Variants in NFIA observed in about 807,000 individuals in gnomAD.
NFIA encodes nuclear factor I A.
NFIA carries 8 observed loss-of-function variants against 62.8 expected under a neutral mutation model. The observed-to-expected ratio is 0.13, with a 90% confidence interval of 0.07 to 0.23. The LOEUF is 0.23. Ranked by LOEUF, NFIA falls within the 10% of genes least tolerant of loss-of-function variation. The pLI is 1.00. For synonymous variants in NFIA, 235 were observed against 238.1 expected (o/e 0.99, Z 0.12); for missense variants, 410 against 642.1 (o/e 0.64, Z 3.91).
intron 2 of NFIA, among the ~76,000 whole-genome samples, chr1:61,194,490 A>G (rs921503878): frequency 6.6e-6 from 1 of 152,158 alleles, no homozygotes; most frequent in Non-Finnish European, 1.5e-5. Flanking sequence ...CCTTATTTAT[A>G]TCAACTTTAG....
chr1:61,094,881 A>G (rs1646384078), intron 2 of NFIA, among the ~76,000 whole-genome samples: 1 of 152,222 alleles, frequency 6.6e-6, no homozygotes, highest in Non-Finnish European at 1.5e-5. Context: ...AACATGGCTT[A>G]TGAAGTGAAG....
chr1:61,415,308 G>T (rs1666300019), intron 9 of NFIA, among the ~76,000 whole-genome samples: 1 of 152,008 alleles, frequency 6.6e-6, no homozygotes, highest in African/African-American at 2.4e-5. Flanking sequence ...TTGGAGTAAA[G>T]AAGGGCTTTC....
At chr1:61,237,195 G>A (rs888147933) in intron 2 of NFIA, among the ~76,000 whole-genome samples, 9 of 152,148 alleles carry the variant, frequency 5.9e-5, no homozygotes, top group South Asian at 2.1e-4. Flanking sequence ...TCTCTCATTT[G>A]CATTATTGAG....
At chr1:61,432,419 A>G (rs541014663) in intron 10 of NFIA, among the ~76,000 whole-genome samples, 3 of 151,876 alleles carry the variant, frequency 2.0e-5, no homozygotes, top group African/African-American at 7.2e-5. Context: ...TGCCCACCCA[A>G]GCTCACTTGA....
At chr1:61,347,932 A>G (rs962810816) in intron 4 of NFIA, among the ~76,000 whole-genome samples, 16 of 152,108 alleles carry the variant, frequency 1.1e-4, no homozygotes, top group Admixed American at 9.2e-4. Context: ...AAGTTATTTA[A>G]TCTCACTTCA....
intron 2 of NFIA, among the ~76,000 whole-genome samples, chr1:61,225,245 A>T (rs1654255533): frequency 6.6e-6 from 1 of 151,142 alleles, no homozygotes; most frequent in African/African-American, 2.4e-5. Flanking sequence ...ATGAGTTTTT[A>T]TGTCCATAGT....
Position 61,359,640 on chromosome 1 carries a change from G to T in NFIA, c.946+366G>T, listed in dbSNP as rs141799179. Among the ~76,000 whole-genome samples, 358 of 152,238 alleles carry T rather than the reference G, an allele frequency of 2.4e-3. 1 individual carries two copies. The highest frequency in any genetic ancestry group is 8.2e-3 in the African/African-American group (342 of 41,554). Reference sequence around the variant, plus strand: ...CTGTCGCCCGGGCTGGAGTACAGTGGCATGATCTTGGCTCACTGCAACCTC... The same window carrying T: ...CTGTCGCCCGGGCTGGAGTACAGTGTCATGATCTTGGCTCACTGCAACCTC... On this transcript the variant is annotated intron_variant, in intron 6 of 10. Transcript: ENST00000403491.
chr1:61,341,924 G>A (rs1661941652), intron 4 of NFIA, among the ~76,000 whole-genome samples: 1 of 152,132 alleles, frequency 6.6e-6, no homozygotes, highest in African/African-American at 2.4e-5. Context: ...ATATTACCCT[G>A]CAGTAGGGCC....
At chr1:61,128,000 C>G (rs1208866048) in intron 2 of NFIA, among the ~76,000 whole-genome samples, 13 of 152,162 alleles carry the variant, frequency 8.5e-5, no homozygotes, top group Non-Finnish European at 1.5e-5. Context: ...AAGTCTTTGA[C>G]TCCCTAGCAC....
At chr1:61,190,909 G>A in intron 2 of NFIA, among the ~76,000 whole-genome samples, 1 of 152,008 alleles carries the variant, frequency 6.6e-6, no homozygotes, top group East Asian at 1.9e-4. Context: ...TTTAAATTGA[G>A]GTTTGTAGTT....
chr1:61,206,829 G>A (rs1034819363), intron 2 of NFIA, among the ~76,000 whole-genome samples: 2 of 152,008 alleles, frequency 1.3e-5, no homozygotes, highest in African/African-American at 2.4e-5. Flanking sequence ...CTACCTCATG[G>A]CAGCACACAC....
At chr1:61,303,977 A>G (rs1366992751) in intron 3 of NFIA, among the ~76,000 whole-genome samples, 1 of 152,170 alleles carries the variant, frequency 6.6e-6, no homozygotes, top group Non-Finnish European at 1.5e-5. Flanking sequence ...TCAAAATAAG[A>G]GATCAGGGTG....
chr1:61,430,242 C>T (rs1454257874), intron 10 of NFIA, among the ~76,000 whole-genome samples: 1 of 152,152 alleles, frequency 6.6e-6, no homozygotes, highest in African/African-American at 2.4e-5. Flanking sequence ...AATTATCATG[C>T]CCAGCACATA....
chr1:61,307,778 CT>C (rs1557696535), intron 3 of NFIA, among the ~76,000 whole-genome samples: 1 of 152,198 alleles, frequency 6.6e-6, no homozygotes, highest in Non-Finnish European at 1.5e-5. Context: ...TTGCTAGCAT[CT>C]TTTAAAGACT....
chr1:61,116,244 T>G (rs1333320871), intron 2 of NFIA, among the ~76,000 whole-genome samples: 1 of 152,176 alleles, frequency 6.6e-6, no homozygotes, highest in Non-Finnish European at 1.5e-5. Context: ...TTGTATACAG[T>G]GAAAATGAGA....
At chr1:61,417,372 CA>C (rs900203172) in intron 9 of NFIA, among the ~76,000 whole-genome samples, 3 of 145,196 alleles carry the variant, frequency 2.1e-5, no homozygotes, top group African/African-American at 5.1e-5. Flanking sequence ...TTTTCGTACT[CA>C]AAAAAAAGTT....
At chr1:61,334,924 T>C (rs1185563315) in intron 4 of NFIA, among the ~76,000 whole-genome samples, 2 of 152,010 alleles carry the variant, frequency 1.3e-5, no homozygotes, top group Non-Finnish European at 1.5e-5. Context: ...AGTTCCAAGT[T>C]TGAGTAGAAC....
intron 2 of NFIA, among the ~76,000 whole-genome samples, chr1:61,090,778 T>C (rs1646306374): frequency 6.6e-6 from 1 of 152,200 alleles, no homozygotes; most frequent in Non-Finnish European, 1.5e-5. Context: ...TGTTTGGCCA[T>C]TGGTTTTCAC....
chr1:61,239,839 G>A (rs1007348635), intron 2 of NFIA, among the ~76,000 whole-genome samples: 10 of 152,046 alleles, frequency 6.6e-5, no homozygotes, highest in Non-Finnish European at 1.3e-4. Flanking sequence ...AAAGGATTTG[G>A]TATAATCTCA....
Sources: allele counts gnomAD v4.1 joint callset (sites outside exome capture counted in the v4.1 genomes callset), GRCh38; gene constraint gnomAD v4.1.1; transcripts MANE v1.5; gene names NCBI Gene and HGNC (gene_info 2026-07-23, HGNC 2026-07-21).